Variants in SLC44A5 observed in about 807,000 individuals in gnomAD.
SLC44A5 encodes the protein choline transporter-like protein 5.
Under a neutral mutation model 101.8 loss-of-function variants are expected in SLC44A5, and 57 were observed. The ratio of observed to expected loss-of-function variants is 0.56; its 90% CI spans 0.45 to 0.70. The LOEUF (loss-of-function observed/expected upper bound fraction) is 0.70. SLC44A5 is among the 30% of genes least tolerant of loss of function. SLC44A5 has a pLI of 0.00. For synonymous variants in SLC44A5, 281 were observed against 290.9 expected, an observed-to-expected ratio of 0.97 and a Z score of 0.35; for missense variants, 737 against 853.1, an observed-to-expected ratio of 0.86 and a Z score of 1.70.
chr1:75,703,311 C>T, the SLC44A5 span, among the ~76,000 whole-genome samples: 8 of 151,988 alleles, frequency 5.3e-5, no homozygotes, highest in Non-Finnish European at 8.8e-5. Context: ...ACATATACAC[C>T]ATGGAATACT....
intron 5 of SLC44A5, among the ~76,000 whole-genome samples, chr1:75,285,201 T>A (rs1292371302): frequency 6.6e-6 from 1 of 152,098 alleles, no homozygotes. Context: ...AGAGTTTCTA[T>A]TTCTTCCTGG....
the SLC44A5 span, among the ~76,000 whole-genome samples, chr1:75,646,839 T>C: frequency 2.4e-4 from 36 of 152,180 alleles, no homozygotes; most frequent in African/African-American, 8.0e-4. Flanking sequence ...TAATTTAGGG[T>C]AGCTGGCAGA....
chr1:75,435,217 G>A (rs938714164), intron 2 of SLC44A5, among the ~76,000 whole-genome samples: 1 of 152,038 alleles, frequency 6.6e-6, no homozygotes, highest in Non-Finnish European at 1.5e-5. Flanking sequence ...ATCCCCAAAA[G>A]CACTCTTTGT....
intron 5 of SLC44A5, 30 bp downstream of exon 5, chr1:75,300,582 T>G: frequency 6.9e-7 from 1 of 1,446,182 alleles, no homozygotes; most frequent in Non-Finnish European, 9.5e-7. Flanking sequence ...TAGCAAGTGT[T>G]AAATATTTTC....
chr1:75,610,428 A>G (rs1195663763), intron 1 of SLC44A5, among the ~76,000 whole-genome samples: 1 of 152,064 alleles, frequency 6.6e-6, no homozygotes, highest in East Asian at 1.9e-4. Context: ...CTGAAATGTT[A>G]ATAATATCTG....
intron 2 of SLC44A5, among the ~76,000 whole-genome samples, chr1:75,432,413 T>C (rs906926073): frequency 1.3e-5 from 2 of 152,202 alleles, no homozygotes; most frequent in Admixed American, 1.3e-4. Flanking sequence ...GACTAGTACA[T>C]GCTCTAAACA....
At chr1:75,674,099 G>T in the SLC44A5 span, among the ~76,000 whole-genome samples, 12 of 152,166 alleles carry the variant, frequency 7.9e-5, no homozygotes, top group East Asian at 9.7e-4. Context: ...GAGAGAGAGA[G>T]ATATATGACC....
intron 7 of SLC44A5, among the ~76,000 whole-genome samples, chr1:75,244,499 G>A (rs1388489112): frequency 1.3e-5 from 2 of 151,884 alleles, no homozygotes; most frequent in African/African-American, 2.4e-5. Flanking sequence ...ATTAGTGCCC[G>A]TGAATTCTCA....
chr1:75,488,399 T>C (rs1474601845), intron 2 of SLC44A5, among the ~76,000 whole-genome samples: 1 of 152,136 alleles, frequency 6.6e-6, no homozygotes, highest in African/African-American at 2.4e-5. Flanking sequence ...TGCTAAGTAT[T>C]TGTGTATCTA....
the SLC44A5 span, among the ~76,000 whole-genome samples, chr1:75,713,357 A>G: frequency 2.6e-5 from 4 of 152,280 alleles, no homozygotes; most frequent in Admixed American, 2.0e-4. Context: ...CTACCAATCT[A>G]TGGGCATCTA....
At position 75,217,980 on chromosome 1, in the gene SLC44A5, G is replaced by A; in HGVS notation, c.1530-20C>T. On this transcript the variant is annotated intron_variant, in intron 17 of 23. Coordinates refer to ENST00000370859, the MANE Select transcript of SLC44A5 (RefSeq NM_001130058.2). ...TGATATCTGCACAAAAATAAAATGAGAATAAGTTAAAACTTAATACTATTA... is the reference window on the plus strand; with the variant it reads ...TGATATCTGCACAAAAATAAAATGAAAATAAGTTAAAACTTAATACTATTA... 1.4e-6 allele frequency: 2 copies of A among 1,480,878 alleles called. No individual in the cohort carries two copies. The highest frequency in any genetic ancestry group is 2.3e-5 in the South Asian group (2 of 87,176). 91.7% of individuals were successfully genotyped at this position (1,480,878 alleles called of 1,614,324 possible).
the SLC44A5 span, among the ~76,000 whole-genome samples, chr1:75,677,280 T>C: frequency 6.6e-6 from 1 of 152,134 alleles, no homozygotes; most frequent in Non-Finnish European, 1.5e-5. Flanking sequence ...AAATAATAAC[T>C]ACAAAAACTT....
At chr1:75,327,831 T>C (rs548925915) in intron 4 of SLC44A5, among the ~76,000 whole-genome samples, 4 of 152,350 alleles carry the variant, frequency 2.6e-5, no homozygotes, top group East Asian at 1.9e-4. Flanking sequence ...AAGAAAGGCA[T>C]GTTAGTGCGT....
intron 4 of SLC44A5, among the ~76,000 whole-genome samples, chr1:75,301,757 G>A (rs1246352036): frequency 6.6e-6 from 1 of 152,130 alleles, no homozygotes; most frequent in Non-Finnish European, 1.5e-5. Flanking sequence ...GGCTATTATG[G>A]GTAGTAAAGT....
chr1:75,354,044 A>G lies in SLC44A5; in HGVS notation c.53-14414T>C, dbSNP rs141623679. 4.9e-3 allele frequency: 1,578 copies of G among 322,790 alleles called. 33 individuals carry two copies. The highest frequency in any genetic ancestry group is 0.032 in the African/African-American group (1,439 of 45,262). 20.0% of individuals were successfully genotyped at this position (322,790 alleles called of 1,614,324 possible). A position where few individuals can be genotyped will look rare whatever the true frequency, so the allele number is the denominator to read the frequency against. On this transcript the variant is annotated intron_variant, in intron 3 of 23. Coordinates refer to ENST00000370859, the MANE Select transcript of SLC44A5 (RefSeq NM_001130058.2). The stretch of plus-strand genomic sequence containing the variant: ...CACTCACTACTGATTTTTTAAATGA[A>G]TGAAATGTTTTAGAATCCAAATATA...
intron 2 of SLC44A5, among the ~76,000 whole-genome samples, chr1:75,502,138 G>A (rs754891473): frequency 4.6e-5 from 7 of 152,112 alleles, no homozygotes; most frequent in Non-Finnish European, 7.4e-5. Flanking sequence ...AAGAAAGGCC[G>A]CAATTTTGAT....
At chr1:75,297,401 C>G (rs1406401092) in intron 5 of SLC44A5, among the ~76,000 whole-genome samples, 1 of 152,198 alleles carries the variant, frequency 6.6e-6, no homozygotes, top group East Asian at 1.9e-4. Context: ...CCTCCCAACT[C>G]AGCCTCCCGA....
rs1412705740 is a variant in SLC44A5, at chr1:75,381,987, T to G, written c.52+14596A>C. Among the ~76,000 whole-genome samples, 3 of 76,366 alleles carry G rather than the reference T, an allele frequency of 3.9e-5. 1 individual carries two copies. The highest frequency in any genetic ancestry group is 6.6e-5 in the Non-Finnish European group (3 of 45,300). 50.1% of individuals were successfully genotyped at this position (76,366 alleles called of 152,430 possible). ...CAAGATTGTGGAATTCACAATCTAG[T>G]ATTGATCAAAAATTGGCAAATCAAA... is the stretch of plus-strand genomic sequence containing the variant. On this transcript the variant is annotated intron_variant, in intron 3 of 23. Transcript: ENST00000370859.
At chr1:75,628,637 A>G in the SLC44A5 span, among the ~76,000 whole-genome samples, 34 of 152,194 alleles carry the variant, frequency 2.2e-4, 1 homozygote, top group East Asian at 3.5e-3. Context: ...TAAAGCAGCA[A>G]AAAAAGTAAA....
Sources: allele counts gnomAD v4.1 joint callset (sites outside exome capture counted in the v4.1 genomes callset), GRCh38; gene constraint gnomAD v4.1.1; transcripts MANE v1.5; gene names NCBI Gene and HGNC (gene_info 2026-07-23, HGNC 2026-07-21).